Variants in TTYH2 observed in about 807,000 individuals in gnomAD.
TTYH2 encodes the protein tweety family member 2.
A neutral mutation model predicts 68.3 loss-of-function variants in TTYH2; 49 were observed. That is an observed-to-expected ratio of 0.72 (90% CI 0.57 to 0.91). The LOEUF (loss-of-function observed/expected upper bound fraction) is 0.91, where lower values mean the gene tolerates loss of function less well. Among genes scored for constraint, TTYH2 ranks in the 40% least tolerant of loss-of-function variants. The pLI, the probability that TTYH2 is intolerant of heterozygous loss-of-function variation, is 0.00. For synonymous variants in TTYH2, 272 were observed against 300.8 expected (o/e 0.90, Z 0.99); for missense variants, 631 against 700.4 (o/e 0.90, Z 1.12).
chr17:74,215,639 A>T lies in TTYH2; in HGVS notation c.129+1923A>T. 22 of 1,535,642 alleles carry T rather than the reference A, an allele frequency of 1.4e-5. No individual in the cohort carries two copies. The highest frequency in any genetic ancestry group is 1.8e-5 in the Non-Finnish European group (21 of 1,146,880). Reference sequence around the variant, plus strand: ...CCCCTCACCACCACTCAGATCGCTGAGTAGGAGATGAGCGTGGTGGGCCAG... The same window carrying T: ...CCCCTCACCACCACTCAGATCGCTGTGTAGGAGATGAGCGTGGTGGGCCAG... On this transcript the variant is annotated intron_variant, in intron 1 of 13. Coordinates refer to ENST00000269346, the MANE Select transcript of TTYH2 (RefSeq NM_032646.6). This position sits in a 1 kb window ranked among gnomAD's most constrained non-coding sequence, Gnocchi z 4.3.
intron 5 of TTYH2, 55 bp downstream of exon 5, chr17:74,243,524 C>A: frequency 6.3e-7 from 1 of 1,580,232 alleles, no homozygotes; most frequent in Non-Finnish European, 8.7e-7. Flanking sequence ...ATGCCATCAT[C>A]AGAGAGAGAC....
At chr17:74,244,850 G>A (rs2050539251) in intron 6 of TTYH2, among the ~76,000 whole-genome samples, 1 of 138,508 alleles carries the variant, frequency 7.2e-6, no homozygotes, top group African/African-American at 2.9e-5. Flanking sequence ...ATACAGTGGA[G>A]GTGCAGTGTG....
At chr17:74,230,297 G>T (rs886496951) in intron 2 of TTYH2, among the ~76,000 whole-genome samples, 4 of 150,818 alleles carry the variant, frequency 2.7e-5, no homozygotes, top group Admixed American at 2.0e-4. Flanking sequence ...GTCTCACTAC[G>T]TTGCGCAGGC....
intron 4 of TTYH2, among the ~76,000 whole-genome samples, chr17:74,240,634 A>AAG (rs375242382): frequency 0.15 from 23,511 of 152,192 alleles, 1,859 homozygotes; most frequent in African/African-American, 0.16. Context: ...ATAACCATGC[A>AAG]GCAAAGCAGA....
At chr17:74,219,042 C>T (rs1373679686) in intron 1 of TTYH2, among the ~76,000 whole-genome samples, 1 of 152,084 alleles carries the variant, frequency 6.6e-6, no homozygotes, top group Non-Finnish European at 1.5e-5. Context: ...CCAGCCTGGT[C>T]CTTTTGTAGT....
chr17:74,251,043 C>T (rs572533552), intron 10 of TTYH2, among the ~76,000 whole-genome samples: 3 of 140,044 alleles, frequency 2.1e-5, no homozygotes, highest in Non-Finnish European at 1.5e-5. Flanking sequence ...TGTGTGTGCA[C>T]GTGCGTGTGT....
chr17:74,245,424 C>A (rs957784396), intron 6 of TTYH2, among the ~76,000 whole-genome samples: 1 of 152,236 alleles, frequency 6.6e-6, no homozygotes. Flanking sequence ...CGAACTCCTC[C>A]AGGGCCCCAT....
chr17:74,229,532 A>G (rs182478498), intron 2 of TTYH2, among the ~76,000 whole-genome samples: 29 of 152,262 alleles, frequency 1.9e-4, no homozygotes, highest in African/African-American at 6.5e-4. Flanking sequence ...CCCCCAGGAA[A>G]GAGTTCCTCA....
chr17:74,224,794 G>A (rs2050313383), intron 2 of TTYH2, among the ~76,000 whole-genome samples: 1 of 152,132 alleles, frequency 6.6e-6, no homozygotes, highest in Non-Finnish European at 1.5e-5. Flanking sequence ...GAGGTCAGGA[G>A]TTCGACACCA....
At chr17:74,248,949 C>A in intron 6 of TTYH2, 62 bp from the exon 7 acceptor site, 1 of 1,610,332 alleles carries the variant, frequency 6.2e-7, no homozygotes, top group African/African-American at 1.3e-5. Context: ...CCGGCTCCTC[C>A]CAGGGCCCCG....
rs1167637036 is a variant in TTYH2 at position 74,260,133 on chromosome 17, C to T, written c.1529C>T (p.Ser510Phe). The T allele has an allele frequency of 6.2e-7, 1 of 1,613,794 alleles. No individual in the cohort carries two copies. Among genetic ancestry groups the T allele is most frequent in the Admixed American group, 1.7e-5 (1 of 60,010 alleles). The change falls in exon 14 of 14, where the codon TCT becomes TTT. Residue 510 changes from serine (S) to phenylalanine (F), a missense_variant. Physicochemically the swap from Ser to Phe is radical, Grantham distance 155. Coordinates refer to ENST00000269346, the MANE Select transcript of TTYH2 (RefSeq NM_032646.6). ...CCCTCTCTTCTCTCTTGGCAGTACT[C>T]TCCCAGCATGAGAGCCACCTACCTG... Reference protein sequence around the residue: ...IGRASPPPTYSPSMRATYLSV... With the variant: ...IGRASPPPTYFPSMRATYLSV...
In TTYH2 at chr17:74,241,786, C is replaced by T. The variant is rs28593601; in HGVS notation, c.636-1588C>T. Among the ~76,000 whole-genome samples, 34,717 of 152,156 alleles carry T rather than the reference C, an allele frequency of 0.23. 4,256 individuals are homozygous for T. Among genetic ancestry groups the T allele is most frequent in the South Asian group, 0.3 (1,446 of 4,828 alleles). On this transcript the variant is annotated intron_variant, in intron 4 of 13. Transcript: ENST00000269346. This position sits in a 1 kb window ranked among gnomAD's most constrained non-coding sequence, Gnocchi z 4.1. The stretch of plus-strand genomic sequence containing the variant: ...TCTTTGGGGACGGGGAAGCCCCTGT[C>T]TCTGTGCCCGCCCCTCCTCTGTCCA...
At chr17:74,231,130 A>C (rs1000235361) in intron 3 of TTYH2, 131 bp downstream of exon 3, 4 of 810,144 alleles carry the variant, frequency 4.9e-6, no homozygotes. Context: ...TGAGGGCTGG[A>C]CCCCCGCCTG....
At position 74,217,992 on chromosome 17, in the gene TTYH2, T is replaced by C. The variant is rs770922363; in HGVS notation, c.129+4276T>C. Among the ~76,000 whole-genome samples, 1 of 152,050 alleles carries C rather than the reference T, an allele frequency of 6.6e-6. No individual in the cohort carries two copies. The highest frequency in any genetic ancestry group is 2.4e-5 in the African/African-American group (1 of 41,404). On this transcript the variant is annotated intron_variant, in intron 1 of 13. Transcript: ENST00000269346. This position sits in a 1 kb window ranked among gnomAD's most constrained non-coding sequence, Gnocchi z 4.0. ...AGGCGTGGGGAGGCGTGGGAAATTG[T>C]CTTGGCAAAGCTCTGTCCATCTGAG...
chr17:74,226,582 C>T (rs937987608), intron 2 of TTYH2, among the ~76,000 whole-genome samples: 4 of 152,150 alleles, frequency 2.6e-5, no homozygotes, highest in Non-Finnish European at 5.9e-5. Context: ...GTCGGGACAG[C>T]AGCAGGAGAA....
chr17:74,252,851 C>T (rs979975922), intron 11 of TTYH2, among the ~76,000 whole-genome samples: 13 of 152,184 alleles, frequency 8.5e-5, no homozygotes, highest in African/African-American at 3.1e-4. Flanking sequence ...TGGGGACCCA[C>T]ATGCGCATGG....
rs763689978 is a variant in TTYH2, at chr17:74,249,060, C to T, written c.854C>T (p.Thr285Met). 12 of 1,614,172 alleles carry T rather than the reference C, an allele frequency of 7.4e-6. No individual in the cohort carries two copies. The highest frequency in any genetic ancestry group is 6.7e-5 in the East Asian group (3 of 44,884). ...CCTGACACCTTCATCCTGAACGTCA[C>T]GGAGGGCCAGATCAGCACAGGTAAC... is the stretch of plus-strand genomic sequence containing the variant. Reference protein sequence around the residue: ...VAPDTFILNVTEGQISTEVTR... With the variant: ...VAPDTFILNVMEGQISTEVTR... The change falls in exon 7 of 14, where the codon ACG (threonine) becomes ATG (methionine). Residue 285 changes from threonine to methionine, a missense_variant. Thr to Met is a moderately conservative substitution (Grantham distance 81, BLOSUM62 -1). Coordinates refer to ENST00000269346, the MANE Select transcript of TTYH2 (RefSeq NM_032646.6).
chr17:74,253,564 T>A (rs9907739), intron 12 of TTYH2, among the ~76,000 whole-genome samples, 191 bp from the exon 13 acceptor site: 63,254 of 151,932 alleles, frequency 0.42, 13,835 homozygotes, highest in African/African-American at 0.53. Context: ...CCGTTGCCCA[T>A]CAGCCACTTG....
chr17:74,226,671 G>T (rs920507183), intron 2 of TTYH2, among the ~76,000 whole-genome samples: 2 of 152,120 alleles, frequency 1.3e-5, no homozygotes, highest in Admixed American at 1.3e-4. Context: ...GAAAGCGGGG[G>T]ATTGAATCCG....
Sources: gnomAD v4.1 joint callset for allele counts (sites outside exome capture counted in the v4.1 genomes callset) on GRCh38, gnomAD v4.1.1 for gene constraint, Gnocchi (gnomAD v3.1) non-coding constraint, MANE v1.5 for transcripts, NCBI Gene and HGNC (gene_info 2026-07-23, HGNC 2026-07-21) for gene names.